SHROOM3: variants seen among roughly 807,000 people sequenced by gnomAD.
SHROOM3 encodes the protein protein Shroom3.
SHROOM3 carries 47 observed loss-of-function variants against 138.6 expected under a neutral mutation model. The ratio of observed to expected loss-of-function variants is 0.34; its 90% CI spans 0.27 to 0.43. SHROOM3 has a LOEUF of 0.43. Ranked by LOEUF, SHROOM3 falls within the 20% of genes least tolerant of loss-of-function variation. The pLI is 1.00. For synonymous variants in SHROOM3, 1,062 were observed against 1,063.3 expected (o/e 1.00, Z 0.02); for missense variants, 2,491 against 2,596.5 (o/e 0.96, Z 0.88).
At chr4:76,748,780 GGT>G (rs1291507347) in intron 5 of SHROOM3, among the ~76,000 whole-genome samples, 16 of 149,358 alleles carry the variant, frequency 1.1e-4, no homozygotes, top group Admixed American at 6.7e-4. Context: ...GGAGGCACCT[GGT>G]GAGACAGACT....
intron 2 of SHROOM3, among the ~76,000 whole-genome samples, chr4:76,691,728 G>T (rs1719547820): frequency 6.6e-6 from 1 of 152,162 alleles, no homozygotes; most frequent in East Asian, 1.9e-4. Flanking sequence ...TTAACCTAGT[G>T]TTATTTTTAG....
chr4:76,685,469 G>T lies in SHROOM3; in HGVS notation c.324-24687G>T, dbSNP rs183784844. ...TCAAAGCTATCCTGGGCCACATGCG[G>T]CCTGTAAGCTGAGGGTTGGACAAGC... On this transcript the variant is annotated intron_variant, in intron 2 of 10. Transcript: ENST00000296043. 2.0e-4 allele frequency among the ~76,000 whole-genome samples: 30 copies of T among 152,326 alleles called. No individual in the cohort carries two copies. In the East Asian group the frequency reaches 5.4e-3, roughly 27 times the overall value.
intron 1 of SHROOM3, among the ~76,000 whole-genome samples, chr4:76,496,171 G>T (rs971828951): frequency 3.3e-5 from 5 of 152,222 alleles, no homozygotes; most frequent in African/African-American, 1.2e-4. Flanking sequence ...ATATGCCACA[G>T]CACAGGTGTG....
chr4:76,649,199 T>C (rs913685022), intron 2 of SHROOM3, among the ~76,000 whole-genome samples: 1 of 152,098 alleles, frequency 6.6e-6, no homozygotes, highest in African/African-American at 2.4e-5. Context: ...TGTTAGAATG[T>C]GTGATATGGT....
At chr4:76,613,337 C>T (rs912263749) in intron 2 of SHROOM3, among the ~76,000 whole-genome samples, 3 of 152,182 alleles carry the variant, frequency 2.0e-5, no homozygotes, top group Admixed American at 1.3e-4. Flanking sequence ...CTCAACACTC[C>T]ACCTTCAATA....
intron 3 of SHROOM3, among the ~76,000 whole-genome samples, chr4:76,714,297 C>T (rs900247525): frequency 6.6e-6 from 1 of 152,208 alleles, no homozygotes; most frequent in East Asian, 1.9e-4. Context: ...CTCCTCTGAT[C>T]TGTGATATTT....
intron 2 of SHROOM3, among the ~76,000 whole-genome samples, chr4:76,689,373 C>T (rs1304868423): frequency 7.0e-6 from 1 of 143,360 alleles, no homozygotes; most frequent in Non-Finnish European, 1.6e-5. Context: ...GAGCCAGCGC[C>T]GAGCCAGCGC....
intron 9 of SHROOM3, among the ~76,000 whole-genome samples, chr4:76,769,609 T>C (rs986525693): frequency 1.3e-5 from 2 of 152,202 alleles, no homozygotes; most frequent in Non-Finnish European, 2.9e-5. Context: ...CTCTGGTAAC[T>C]GGAGACAGGG....
intron 2 of SHROOM3, among the ~76,000 whole-genome samples, chr4:76,557,049 T>A (rs760486434): frequency 4.6e-5 from 7 of 152,158 alleles, no homozygotes; most frequent in South Asian, 2.1e-4. Context: ...TCCAGGGCTG[T>A]CACCTGTTAG....
intron 1 of SHROOM3, among the ~76,000 whole-genome samples, chr4:76,518,880 C>T (rs10026658): frequency 2.7e-3 from 407 of 152,224 alleles, no homozygotes; most frequent in African/African-American, 7.3e-3. Flanking sequence ...GTACAAAAAG[C>T]GCAAGGGCAT....
At chr4:76,436,281 G>T (rs970003021) in intron 1 of SHROOM3, 61 bp downstream of exon 1, 145 of 1,588,360 alleles carry the variant, frequency 9.1e-5, no homozygotes, top group Middle Eastern at 5.9e-4. Flanking sequence ...TGTCAGATTT[G>T]TCAAAAATGC....
At chr4:76,707,830 C>T (rs940678287) in intron 2 of SHROOM3, among the ~76,000 whole-genome samples, 1 of 151,404 alleles carries the variant, frequency 6.6e-6, no homozygotes, top group African/African-American at 2.4e-5. Flanking sequence ...TGTTTGTTGC[C>T]CAGATTATTC....
intron 1 of SHROOM3, among the ~76,000 whole-genome samples, chr4:76,436,990 T>C (rs966102677): frequency 2.6e-5 from 4 of 152,248 alleles, no homozygotes; most frequent in African/African-American, 9.6e-5. Context: ...CACATGTGCA[T>C]TCATCAAGAA....
rs533805002 is a variant in SHROOM3 at position 76,560,088 on chromosome 4, G to A, written c.323+4325G>A. On this transcript the variant is annotated intron_variant, in intron 2 of 10. Transcript: ENST00000296043. ...TTGTGGAATGCAAGGACAGTGCAAAGGATGTTAATTAGGAAAGCAGACATG... is the reference window on the plus strand; with the variant it reads ...TTGTGGAATGCAAGGACAGTGCAAAAGATGTTAATTAGGAAAGCAGACATG... Among the ~76,000 whole-genome samples, 3 of 152,298 alleles carry A rather than the reference G, an allele frequency of 2.0e-5. No individual in the cohort carries two copies. The East Asian group carries it at 5.8e-4, about 29-fold the overall frequency.
intron 9 of SHROOM3, among the ~76,000 whole-genome samples, chr4:76,767,768 A>G (rs1301510215): frequency 2.6e-5 from 4 of 152,240 alleles, no homozygotes; most frequent in African/African-American, 9.6e-5. Flanking sequence ...TAGTTTAATA[A>G]GGGTTTTAGT....
intron 2 of SHROOM3, among the ~76,000 whole-genome samples, chr4:76,588,639 C>T (rs541078736): frequency 6.6e-6 from 1 of 152,112 alleles, no homozygotes; most frequent in Non-Finnish European, 1.5e-5. Flanking sequence ...CCTGACTTTT[C>T]CTGGGGTTGG....
intron 7 of SHROOM3, among the ~76,000 whole-genome samples, chr4:76,756,247 T>C (rs573557304): frequency 2.1e-4 from 32 of 152,270 alleles, no homozygotes; most frequent in African/African-American, 7.7e-4. Context: ...CGGGGTTCAG[T>C]ATCAGGAGAC....
At position 76,738,988 on chromosome 4, in the gene SHROOM3, A is replaced by G. The variant is rs751009311; in HGVS notation, c.815A>G (p.Tyr272Cys). 6.2e-7 allele frequency: 1 copy of G among 1,614,086 alleles called. No individual in the cohort carries two copies. The change falls in exon 5 of 11, where the codon TAT becomes TGT. Residue 272 changes from tyrosine (Y) to cysteine (C), a missense_variant. Tyr to Cys is a radical substitution (Grantham distance 194, BLOSUM62 -2). This residue lies in a region of SHROOM3 where 4 missense variants were observed against 17.1 expected (regional missense o/e 0.23). Coordinates refer to ENST00000296043, the MANE Select transcript of SHROOM3 (RefSeq NM_020859.4). ...TCCACCAGTTCTAGCATCCTAGAGT[A>G]TCCACACCCTGGCATCTCTGGCCGG... ...SFSTSSSILE[Y>C]PHPGISGRER...
At chr4:76,437,457 C>G (rs907244719) in intron 1 of SHROOM3, among the ~76,000 whole-genome samples, 2 of 152,142 alleles carry the variant, frequency 1.3e-5, no homozygotes, top group South Asian at 2.1e-4. Flanking sequence ...TCCACTCTGC[C>G]ATTCTTATGA....
Sources: allele counts gnomAD v4.1 joint callset (sites outside exome capture counted in the v4.1 genomes callset), GRCh38; gene constraint gnomAD v4.1.1; regional missense constraint gnomAD v4.1.1; transcripts MANE v1.5; gene names NCBI Gene and HGNC (gene_info 2026-07-23, HGNC 2026-07-21).